The following TRIM33 variants were observed in gnomAD, a reference collection of about 807,000 sequenced individuals.
The protein encoded by TRIM33 is tripartite motif containing 33, also known as E3 ubiquitin-protein ligase TRIM33.
TRIM33 carries 20 observed loss-of-function variants against 125.4 expected under a neutral mutation model. The ratio of observed to expected loss-of-function variants is 0.16; its 90% CI spans 0.11 to 0.23. The LOEUF is 0.23. Ranked by LOEUF, TRIM33 falls within the 10% of genes least tolerant of loss-of-function variation. The pLI, the probability that TRIM33 is intolerant of heterozygous loss-of-function variation, is 1.00. For missense variants in TRIM33, 920 were observed against 1,411.4 expected (o/e 0.65, Z 5.58); for synonymous variants, 564 against 513.9 (o/e 1.10, Z -1.32).
intron 1 of TRIM33, among the ~76,000 whole-genome samples, chr1:114,501,427 A>G (rs983163358): frequency 4.6e-5 from 7 of 152,204 alleles, no homozygotes; most frequent in Non-Finnish European, 8.8e-5. Context: ...AAGGACTACT[A>G]GAGTATCTTT....
At chr1:114,491,588 G>A (rs1425619420) in intron 1 of TRIM33, among the ~76,000 whole-genome samples, 1 of 152,120 alleles carries the variant, frequency 6.6e-6, no homozygotes, top group Non-Finnish European at 1.5e-5. Flanking sequence ...GATAAAGCTT[G>A]AGTCCAGAGT....
chr1:114,407,445 G>C (rs535356906), intron 13 of TRIM33, among the ~76,000 whole-genome samples: 8 of 152,116 alleles, frequency 5.3e-5, no homozygotes, highest in Non-Finnish European at 1.2e-4. Flanking sequence ...AGTGCTATTA[G>C]TACTAGAATA....
intron 1 of TRIM33, among the ~76,000 whole-genome samples, chr1:114,491,017 G>A (rs575882327): frequency 6.6e-6 from 1 of 152,054 alleles, no homozygotes; most frequent in East Asian, 1.9e-4. Flanking sequence ...TGGTTTGGGG[G>A]TAAGTGAGTA....
intron 7 of TRIM33, 65 bp downstream of exon 7, chr1:114,427,683 C>A: frequency 6.8e-7 from 1 of 1,473,266 alleles, no homozygotes; most frequent in Admixed American, 2.0e-5. Context: ...TAAACAGGTG[C>A]AATTCACTGA....
chr1:114,471,034 A>G (rs1176200191), intron 1 of TRIM33, among the ~76,000 whole-genome samples: 5 of 152,214 alleles, frequency 3.3e-5, no homozygotes, highest in Non-Finnish European at 7.3e-5. Context: ...CCTGGGCCCA[A>G]GCAATCCTCC....
chr1:114,433,484 C>T (rs763885458), intron 5 of TRIM33, 133 bp downstream of exon 5: 315 of 564,190 alleles, frequency 5.6e-4, no homozygotes, highest in Non-Finnish European at 8.5e-4. Context: ...ATATTATAAT[C>T]CCAAATTCAT....
chr1:114,487,460 T>C (rs2101518698), intron 1 of TRIM33, among the ~76,000 whole-genome samples: 1 of 151,634 alleles, frequency 6.6e-6, no homozygotes, highest in East Asian at 1.9e-4. Flanking sequence ...ACTAAAGATA[T>C]TCTCAGATGA....
intron 1 of TRIM33, among the ~76,000 whole-genome samples, chr1:114,483,555 G>A (rs562804588): frequency 6.6e-6 from 1 of 151,842 alleles, no homozygotes; most frequent in African/African-American, 2.4e-5. Context: ...GCAACTACAG[G>A]CACCCACCAC....
chr1:114,436,400 CAAA>C (rs765728045), intron 4 of TRIM33, among the ~76,000 whole-genome samples: 2,180 of 40,530 alleles, frequency 0.054, 9 homozygotes, highest in Non-Finnish European at 0.068. Flanking sequence ...GACTCTGTCT[CAAA>C]AAAAAAAAAA....
chr1:114,485,046 TGTC>T (rs1651589135), intron 1 of TRIM33, among the ~76,000 whole-genome samples: 1 of 147,454 alleles, frequency 6.8e-6, no homozygotes, highest in Non-Finnish European at 1.5e-5. Context: ...AGTGAGACTC[TGTC>T]TTTTAAAAAA....
chr1:114,454,497 G>A (rs1557874919), intron 4 of TRIM33, among the ~76,000 whole-genome samples: 1 of 151,818 alleles, frequency 6.6e-6, no homozygotes, highest in African/African-American at 2.4e-5. Flanking sequence ...ACCAGCCTGG[G>A]CAACATAGGA....
intron 4 of TRIM33, chr1:114,460,163 C>A: frequency 1.1e-5 from 2 of 185,750 alleles, no homozygotes; most frequent in South Asian, 1.2e-4. Context: ...TGAAATATAT[C>A]ATCAACACTG....
At chr1:114,487,753 C>T (rs972250479) in intron 1 of TRIM33, among the ~76,000 whole-genome samples, 43 of 150,224 alleles carry the variant, frequency 2.9e-4, no homozygotes, top group African/African-American at 9.0e-4. Context: ...AAAAATTAGC[C>T]GGGCGCGGTG....
chr1:114,463,357 C>A, intron 3 of TRIM33, 55 bp downstream of exon 3: 1 of 1,564,584 alleles, frequency 6.4e-7, no homozygotes, highest in Non-Finnish European at 8.7e-7. Flanking sequence ...TCTATAGGGG[C>A]AAAAGAAGGA....
intron 1 of TRIM33, among the ~76,000 whole-genome samples, chr1:114,470,025 A>G (rs775508852): frequency 3.7e-4 from 57 of 152,252 alleles, no homozygotes; most frequent in Non-Finnish European, 4.1e-4. Flanking sequence ...CTTAAGGTGA[A>G]GTCATAGTCA....
intron 14 of TRIM33, among the ~76,000 whole-genome samples, chr1:114,406,442 A>G (rs1652249473): frequency 6.6e-6 from 1 of 152,236 alleles, no homozygotes; most frequent in Non-Finnish European, 1.5e-5. Flanking sequence ...GCCTTCCTTC[A>G]TTCTGTATTA....
intron 1 of TRIM33, among the ~76,000 whole-genome samples, chr1:114,497,292 A>ATTTGTGTTTAAATTTTTTTTTAAATTTTT (rs1652427835): frequency 6.6e-6 from 1 of 152,156 alleles, no homozygotes; most frequent in South Asian, 2.1e-4. Context: ...ACAAATTTAC[A>ATTTGTGTTTAAATTTTTTTTTAAATTTTT]CTTAAAATTT....
chr1:114,481,210 T>A (rs1012856839), intron 1 of TRIM33, among the ~76,000 whole-genome samples: 2 of 151,468 alleles, frequency 1.3e-5, no homozygotes, highest in Admixed American at 6.6e-5. Context: ...TCAAAGCATA[T>A]TACTAAGTAA....
rs151230883 is a variant in TRIM33 at position 114,443,695 on chromosome 1, TTACTC to T, written c.924-9967_924-9963del. ...CAGTATCTTCAAAAACAATCTAAAA[TTACTC>T]TACTCTAACTATACACAAAACTGCA... On this transcript the variant is annotated intron_variant, in intron 4 of 19. Coordinates refer to ENST00000358465, the MANE Select transcript of TRIM33 (RefSeq NM_015906.4). Among the ~76,000 whole-genome samples, 500 of 152,138 alleles carry T rather than the reference TTACTC, an allele frequency of 3.3e-3. 2 individuals carry two copies. Among genetic ancestry groups the T allele is most frequent in the Non-Finnish European group, 5.4e-3 (368 of 67,996 alleles).
Sources: gnomAD v4.1 joint callset for allele counts (sites outside exome capture counted in the v4.1 genomes callset) on GRCh38, gnomAD v4.1.1 for gene constraint, MANE v1.5 for transcripts, NCBI Gene and HGNC (gene_info 2026-07-23, HGNC 2026-07-21) for gene names.